Variants in PRDM1 observed in about 807,000 individuals in gnomAD.
PRDM1 encodes PR domain zinc finger protein 1.
PRDM1 carries 13 observed loss-of-function variants against 62.8 expected under a neutral mutation model. That is an observed-to-expected ratio of 0.21 (90% CI 0.13 to 0.33). PRDM1 has a LOEUF of 0.33. PRDM1 is among the 10% of genes least tolerant of loss of function. The pLI is 1.00. For synonymous variants in PRDM1, 396 were observed against 417.6 expected, an observed-to-expected ratio of 0.95 and a Z score of 0.63; for missense variants, 895 against 1,058.8, an observed-to-expected ratio of 0.85 and a Z score of 2.15.
intron 1 of PRDM1, among the ~76,000 whole-genome samples, chr6:106,023,101 G>A (rs1038974393): frequency 7.2e-5 from 11 of 152,080 alleles, no homozygotes; most frequent in African/African-American, 2.2e-4. Flanking sequence ...TTCTGCTCTG[G>A]TGCTTTGAAA....
intron 1 of PRDM1, among the ~76,000 whole-genome samples, chr6:106,016,646 TCTC>T (rs1012984442): frequency 6.0e-5 from 4 of 67,102 alleles, no homozygotes; most frequent in Non-Finnish European, 1.2e-4. Context: ...TTTTCTTTTC[TCTC>T]TTTTTTTTTT....
chr6:106,038,012 G>GTTTTTTT (rs1302119750), intron 1 of PRDM1, among the ~76,000 whole-genome samples: 1 of 20,526 alleles, frequency 4.9e-5, no homozygotes, highest in East Asian at 1.2e-3. Flanking sequence ...TGCTATTTTT[G>GTTTTTTT]TCTTTTTTTT....
At chr6:106,099,638 A>G (rs966458352) in intron 4 of PRDM1, 86 bp downstream of exon 4, 1 of 1,531,848 alleles carries the variant, frequency 6.5e-7, no homozygotes, top group Non-Finnish European at 8.8e-7. Flanking sequence ...GTTTAATTAT[A>G]CGGCTTTGTC....
chr6:106,060,703 A>G (rs1773331981), intron 1 of PRDM1, among the ~76,000 whole-genome samples: 1 of 152,098 alleles, frequency 6.6e-6, no homozygotes, highest in African/African-American at 2.4e-5. Flanking sequence ...TCAAAGCAGT[A>G]AAAACGTGCT....
At chr6:106,086,684 T>G in intron 1 of PRDM1, 89 bp downstream of exon 1, 1 of 1,260,472 alleles carries the variant, frequency 7.9e-7, no homozygotes, top group Non-Finnish European at 1.1e-6. Flanking sequence ...TATTAATTTT[T>G]TTTGGCTAAT....
intron 1 of PRDM1, among the ~76,000 whole-genome samples, chr6:106,040,894 T>C (rs1229052614): frequency 6.6e-6 from 1 of 152,244 alleles, no homozygotes; most frequent in African/African-American, 2.4e-5. Flanking sequence ...AAAATCCTTC[T>C]ACAGTCACTG....
upstream of PRDM1, among the ~76,000 whole-genome samples, chr6:105,993,435 G>C (rs1772307223): frequency 6.6e-6 from 1 of 152,190 alleles, no homozygotes; most frequent in Non-Finnish European, 1.5e-5. Flanking sequence ...TGTAATCAGA[G>C]ACTGATTGTA....
chr6:106,026,334 C>G (rs1752575803), intron 1 of PRDM1, among the ~76,000 whole-genome samples: 1 of 152,032 alleles, frequency 6.6e-6, no homozygotes, highest in Non-Finnish European at 1.5e-5. Flanking sequence ...ACAAAATTAG[C>G]CTGGTATGGT....
intron 2 of PRDM1, among the ~76,000 whole-genome samples, chr6:106,092,130 G>GAAA (rs771530930): frequency 3.3e-5 from 2 of 61,354 alleles, no homozygotes; most frequent in Admixed American, 1.5e-4. Context: ...GAAGGAATTT[G>GAAA]AAAAAAAAAA....
At chr6:106,082,461 T>A (rs951642517), upstream of PRDM1, among the ~76,000 whole-genome samples, 1 of 152,232 alleles carries the variant, frequency 6.6e-6, no homozygotes, top group Non-Finnish European at 1.5e-5. Context: ...AAAGGAATAG[T>A]TTAAAAAATA....
At chr6:106,040,752 C>G (rs555879072) in intron 1 of PRDM1, among the ~76,000 whole-genome samples, 2 of 152,208 alleles carry the variant, frequency 1.3e-5, no homozygotes, top group South Asian at 4.2e-4. Context: ...TGATGTGTAT[C>G]CTTTATTACC....
At position 106,107,319 on chromosome 6, in the gene PRDM1, G is replaced by A; in HGVS notation, c.2311G>A (p.Gly771Ser). The part of the protein sequence containing the change: ...AVVRKEKEET[G>S]LKVSLQRNMG... ...GGTCAGAAAAGAGAAAGAAGAAACT[G>A]GCCTGAAAGTGTCTTTGCAAAGAAA... is the stretch of plus-strand genomic sequence containing the variant. Residue 771 changes from glycine (G) to serine (S), a missense_variant, in exon 7 of 7, where the codon GGC (glycine) becomes AGC (serine). This residue lies in a region of PRDM1 where 164 missense variants were observed against 179.9 expected (regional missense o/e 0.91). Transcript: ENST00000369096. 6.2e-7 allele frequency: 1 copy of A among 1,614,062 alleles called. No homozygotes were observed. The highest frequency in any genetic ancestry group is 8.5e-7 in the Non-Finnish European group (1 of 1,180,002).
chr6:106,105,959 AGGGGCT>A (rs1774472315), intron 5 of PRDM1, 26 bp downstream of exon 5: 2 of 1,589,702 alleles, frequency 1.3e-6, no homozygotes, highest in South Asian at 2.3e-5. Context: ...GAGCAGTCCA[AGGGGCT>A]GTGAGTGCAT....
chr6:106,073,546 C>T (rs56027783), intron 1 of PRDM1, among the ~76,000 whole-genome samples: 4,735 of 152,252 alleles, frequency 0.031, 101 homozygotes, highest in South Asian at 0.046. Flanking sequence ...AGCTGGACAG[C>T]GTTAAGGAAC....
chr6:106,051,788 G>A (rs1443698731), intron 1 of PRDM1, among the ~76,000 whole-genome samples: 2 of 152,072 alleles, frequency 1.3e-5, no homozygotes, highest in African/African-American at 4.8e-5. Context: ...GTGAGTGGAT[G>A]GCCTATGAAG....
chr6:106,073,842 T>G (rs902178938), intron 1 of PRDM1, among the ~76,000 whole-genome samples: 1 of 152,176 alleles, frequency 6.6e-6, no homozygotes, highest in African/African-American at 2.4e-5. Context: ...ATTCAGAATT[T>G]TTCAAATGTT....
chr6:106,068,409 A>T (rs1773465787), intron 1 of PRDM1, among the ~76,000 whole-genome samples: 1 of 152,158 alleles, frequency 6.6e-6, no homozygotes, highest in South Asian at 2.1e-4. Context: ...TTCTCCTCAG[A>T]GTAGCAACTG....
intron 1 of PRDM1, among the ~76,000 whole-genome samples, chr6:106,068,892 C>G (rs1773473077): frequency 6.6e-6 from 1 of 152,186 alleles, no homozygotes; most frequent in African/African-American, 2.4e-5. Context: ...TGGTACATCC[C>G]CCATCTGTGG....
chr6:106,040,811 A>G (rs1772984741), intron 1 of PRDM1, among the ~76,000 whole-genome samples: 1 of 152,206 alleles, frequency 6.6e-6, no homozygotes, highest in South Asian at 2.1e-4. Context: ...ATAGAAATAT[A>G]TAGTGTTTTC....
Sources: allele counts gnomAD v4.1 joint callset (sites outside exome capture counted in the v4.1 genomes callset), GRCh38; gene constraint gnomAD v4.1.1; regional missense constraint gnomAD v4.1.1; transcripts MANE v1.5; gene names NCBI Gene and HGNC (gene_info 2026-07-23, HGNC 2026-07-21).